CYP4X1: variants seen among roughly 807,000 people sequenced by gnomAD.
The protein encoded by CYP4X1 is cytochrome P450 4X1.
A neutral mutation model predicts 57.9 loss-of-function variants in CYP4X1; 44 were observed. The observed-to-expected ratio is 0.76, with a 90% CI of 0.60 to 0.98. CYP4X1 has a LOEUF of 0.98. CYP4X1 is among the 50% of genes least tolerant of loss of function. The pLI, the probability that CYP4X1 is intolerant of heterozygous loss-of-function variation, is 0.00. For synonymous variants in CYP4X1, 227 were observed against 228.6 expected (o/e 0.99, Z 0.06); for missense variants, 532 against 623.9 (o/e 0.85, Z 1.57).
At chr1:46,974,516 G>A in the CYP4X1 span, among the ~76,000 whole-genome samples, 15 of 152,080 alleles carry the variant, frequency 9.9e-5, no homozygotes, top group South Asian at 4.1e-4. Context: ...GTCCAATATC[G>A]GCAGTGGGGT....
chr1:47,003,574 G>T, the CYP4X1 span, among the ~76,000 whole-genome samples: 3 of 152,166 alleles, frequency 2.0e-5, no homozygotes, highest in Non-Finnish European at 4.4e-5. Flanking sequence ...CTTCTGGAAA[G>T]ACCTAAGGGG....
At chr1:46,986,909 A>G in the CYP4X1 span, among the ~76,000 whole-genome samples, 40 of 152,372 alleles carry the variant, frequency 2.6e-4, no homozygotes, top group African/African-American at 9.1e-4. Context: ...AACCAGTACC[A>G]GCCACTGCAA....
chr1:46,998,794 G>A, the CYP4X1 span, among the ~76,000 whole-genome samples: 6 of 152,088 alleles, frequency 3.9e-5, no homozygotes, highest in East Asian at 1.2e-3. Context: ...TATATAGCTA[G>A]CCAGTTTTCC....
chr1:47,018,778 G>A (rs1408268619), upstream of CYP4X1, among the ~76,000 whole-genome samples: 1 of 151,568 alleles, frequency 6.6e-6, no homozygotes, highest in East Asian at 2.0e-4. Flanking sequence ...TTCCAATTAG[G>A]AAAAACGGGG....
chr1:46,992,115 T>C, the CYP4X1 span, among the ~76,000 whole-genome samples: 1 of 152,198 alleles, frequency 6.6e-6, no homozygotes, highest in Non-Finnish European at 1.5e-5. Flanking sequence ...AAGATCAGCC[T>C]GGTCAACATG....
intron 10 of CYP4X1, 58 bp downstream of exon 10, chr1:47,048,687 T>G: frequency 3.3e-6 from 5 of 1,506,750 alleles, no homozygotes; most frequent in Non-Finnish European, 4.5e-6. Context: ...CAAGTCACTT[T>G]TTGGTAGCTA....
chr1:46,969,499 T>C, the CYP4X1 span, among the ~76,000 whole-genome samples: 3 of 152,340 alleles, frequency 2.0e-5, no homozygotes, highest in Admixed American at 1.3e-4. Context: ...AAGGACTTTC[T>C]GGAAGAACAA....
chr1:46,961,537 G>A, the CYP4X1 span: 1 of 1,205,040 alleles, frequency 8.3e-7, no homozygotes, highest in Non-Finnish European at 1.1e-6. Flanking sequence ...CAGGGGTGAG[G>A]TGTTCTTGGG....
chr1:47,049,551 G>A lies in CYP4X1; in HGVS notation c.1355+47G>A, dbSNP rs537325873. 1.3e-5 allele frequency: 20 copies of A among 1,533,040 alleles called. No homozygotes were observed. In the East Asian group the frequency reaches 4.3e-4, roughly 33 times the overall value. The allele number at this position is 1,533,040 out of a possible 1,614,324, so 95.0% of individuals were successfully genotyped here. A position where few individuals can be genotyped will look rare whatever the true frequency, so the allele number is the denominator to read the frequency against. On this transcript the variant is annotated intron_variant, in intron 11 of 11. Transcript: ENST00000371901. ...TGAAAGTACCCAAAGATGTTTACTT[G>A]AGAGTAGTTTATTCCTTTCAGCTCC...
chr1:46,975,826 A>T, the CYP4X1 span, among the ~76,000 whole-genome samples: 9 of 152,034 alleles, frequency 5.9e-5, no homozygotes, highest in Middle Eastern at 3.2e-3. Flanking sequence ...TGGGCTCTTT[A>T]CATAATCCTA....
the CYP4X1 span, among the ~76,000 whole-genome samples, chr1:46,968,597 C>T: frequency 6.6e-6 from 1 of 152,200 alleles, no homozygotes; most frequent in Non-Finnish European, 1.5e-5. Flanking sequence ...CTCCCCAGTA[C>T]CCCAAGGCAG....
the CYP4X1 span, among the ~76,000 whole-genome samples, chr1:46,976,461 G>T: frequency 1.3e-5 from 2 of 152,080 alleles, no homozygotes; most frequent in African/African-American, 4.8e-5. Context: ...GAACTAGGTG[G>T]AGCCCACCGC....
At chr1:47,007,450 A>G in the CYP4X1 span, among the ~76,000 whole-genome samples, 2 of 152,214 alleles carry the variant, frequency 1.3e-5, no homozygotes, top group South Asian at 4.1e-4. Context: ...CAAAGACCAA[A>G]GGTAGATAAA....
the CYP4X1 span, among the ~76,000 whole-genome samples, chr1:46,976,626 G>A: frequency 6.6e-6 from 1 of 152,180 alleles, no homozygotes; most frequent in African/African-American, 2.4e-5. Context: ...TGAGCTCTGA[G>A]AATGAACAGA....
At chr1:47,036,951 A>G (rs901211153) in intron 6 of CYP4X1, among the ~76,000 whole-genome samples, 1 of 152,236 alleles carries the variant, frequency 6.6e-6, no homozygotes, top group Non-Finnish European at 1.5e-5. Flanking sequence ...GCACACTTAC[A>G]CATACATATA....
chr1:47,042,974 G>T (rs2148513894), intron 8 of CYP4X1, among the ~76,000 whole-genome samples: 1 of 152,304 alleles, frequency 6.6e-6, no homozygotes, highest in Admixed American at 6.5e-5. Context: ...TAGATACCCT[G>T]TAGTGGGATT....
At chr1:47,048,114 T>A (rs1444748290) in intron 9 of CYP4X1, among the ~76,000 whole-genome samples, 3 of 148,554 alleles carry the variant, frequency 2.0e-5, no homozygotes. Flanking sequence ...CCAGGCATGG[T>A]GTTGCATGCT....
the CYP4X1 span, among the ~76,000 whole-genome samples, chr1:46,986,106 G>C: frequency 6.6e-6 from 1 of 152,160 alleles, no homozygotes; most frequent in African/African-American, 2.4e-5. Flanking sequence ...CCCAATGCAA[G>C]AAAGTCAAGA....
the CYP4X1 span, among the ~76,000 whole-genome samples, chr1:47,006,549 G>A: frequency 2.6e-5 from 4 of 152,220 alleles, no homozygotes; most frequent in East Asian, 1.9e-4. Flanking sequence ...CTGAGGTACC[G>A]GGTTCATCTC....
Sources: allele counts gnomAD v4.1 joint callset (sites outside exome capture counted in the v4.1 genomes callset), GRCh38; gene constraint gnomAD v4.1.1; transcripts MANE v1.5; gene names NCBI Gene and HGNC (gene_info 2026-07-23, HGNC 2026-07-21).